Variants in GRID2 observed in about 807,000 individuals in gnomAD.
GRID2 encodes glutamate receptor ionotropic, delta-2.
In GRID2, 33 loss-of-function variants were observed where a neutral mutation model predicts 114.8. The ratio of observed to expected loss-of-function variants is 0.29; its 90% CI spans 0.22 to 0.38. The LOEUF (loss-of-function observed/expected upper bound fraction) is 0.38. Among genes scored for constraint, GRID2 ranks in the 10% least tolerant of loss-of-function variants. GRID2 has a pLI of 1.00. For missense variants in GRID2, 1,184 were observed against 1,257.7 expected (o/e 0.94, Z 0.89); for synonymous variants, 505 against 449.9 (o/e 1.12, Z -1.55).
At chr4:93,125,901 G>T (rs1373845436) in intron 4 of GRID2, among the ~76,000 whole-genome samples, 1 of 152,158 alleles carries the variant, frequency 6.6e-6, no homozygotes, top group African/African-American at 2.4e-5. Flanking sequence ...CTTATGACAG[G>T]CATCCTTTCT....
intron 7 of GRID2, among the ~76,000 whole-genome samples, chr4:93,231,658 C>G: frequency 6.6e-6 from 1 of 152,116 alleles, no homozygotes; most frequent in Non-Finnish European, 1.5e-5. Flanking sequence ...ATCCAATGAA[C>G]AGTCATTGCA....
At chr4:92,312,910 C>A (rs1725779167) in intron 1 of GRID2, among the ~76,000 whole-genome samples, 2 of 152,070 alleles carry the variant, frequency 1.3e-5, no homozygotes, top group East Asian at 3.9e-4. Context: ...GTAGAACTAT[C>A]ATTTGATGCA....
chr4:92,824,557 A>T (rs1026229489), intron 2 of GRID2, among the ~76,000 whole-genome samples: 8 of 152,006 alleles, frequency 5.3e-5, no homozygotes, highest in Admixed American at 1.3e-4. Flanking sequence ...AAAATTTAAT[A>T]ACAGTTGAAA....
Position 93,761,587 on chromosome 4 carries a change from A to C in GRID2, c.2361-7623A>C, listed in dbSNP as rs555685445. Among the ~76,000 whole-genome samples the C allele has an allele frequency of 9.2e-5, 14 of 152,310 alleles. 1 individual carries two copies. In the Middle Eastern group the frequency reaches 0.02, roughly 222 times the overall value. On this transcript the variant is annotated intron_variant, in intron 14 of 15. Transcript: ENST00000282020. Reference sequence around the variant, plus strand: ...AAAGCTTGCTGACCTCTAGTCTAAAAGATGATAGTTATGAATTTATTTGAA... The same window carrying C: ...AAAGCTTGCTGACCTCTAGTCTAAACGATGATAGTTATGAATTTATTTGAA...
intron 2 of GRID2, among the ~76,000 whole-genome samples, chr4:92,606,739 A>G (rs1208571751): frequency 6.6e-6 from 1 of 151,900 alleles, no homozygotes; most frequent in Non-Finnish European, 1.5e-5. Context: ...CCCTACCTAA[A>G]TTATCCTATT....
intron 5 of GRID2, among the ~76,000 whole-genome samples, chr4:93,208,644 C>CA (rs1374781066): frequency 6.6e-6 from 1 of 152,004 alleles, no homozygotes; most frequent in Non-Finnish European, 1.5e-5. Context: ...GTTTCTCCTA[C>CA]ACTACACTTC....
Position 92,790,654 on chromosome 4 carries a change from G to A in GRID2, c.244+200368G>A, listed in dbSNP as rs1375426374. Among the ~76,000 whole-genome samples the A allele has an allele frequency of 2.7e-5, 4 of 150,096 alleles. No individual in the cohort carries two copies. In the Admixed American group the frequency reaches 2.7e-4, roughly 10 times the overall value. On this transcript the variant is annotated intron_variant, in intron 2 of 15. Transcript: ENST00000282020. ...GCTGGTCTCAAACTCCTAGATTCAAGCGATTCTCCCAACTCAGCCTCTCAA... is the reference window on the plus strand; with the variant it reads ...GCTGGTCTCAAACTCCTAGATTCAAACGATTCTCCCAACTCAGCCTCTCAA...
chr4:93,276,058 T>G (rs992213587), intron 8 of GRID2, among the ~76,000 whole-genome samples: 1 of 152,050 alleles, frequency 6.6e-6, no homozygotes, highest in African/African-American at 2.4e-5. Flanking sequence ...TCTCTTACAT[T>G]TTCATCTAAG....
At chr4:92,902,704 G>C (rs1359557842) in intron 2 of GRID2, among the ~76,000 whole-genome samples, 1 of 151,936 alleles carries the variant, frequency 6.6e-6, no homozygotes, top group East Asian at 1.9e-4. Flanking sequence ...TATCCTTCTA[G>C]ACATGGCAGT....
intron 2 of GRID2, among the ~76,000 whole-genome samples, chr4:92,851,622 T>G (rs995291344): frequency 1.3e-5 from 2 of 151,988 alleles, no homozygotes; most frequent in African/African-American, 4.8e-5. Flanking sequence ...CAAACATTAG[T>G]ATATCTAAAT....
chr4:93,662,605 T>C (rs1203953107), intron 14 of GRID2, among the ~76,000 whole-genome samples: 1 of 152,054 alleles, frequency 6.6e-6, no homozygotes, highest in African/African-American at 2.4e-5. Context: ...AGAAAGCTAA[T>C]TGGAAAAAGG....
chr4:92,924,014 G>T (rs988417745), intron 2 of GRID2, among the ~76,000 whole-genome samples: 1 of 152,152 alleles, frequency 6.6e-6, no homozygotes, highest in Admixed American at 6.5e-5. Flanking sequence ...GTCCAACAAT[G>T]ATAGACTGGA....
chr4:92,799,104 A>G (rs1205439974), intron 2 of GRID2, among the ~76,000 whole-genome samples: 2 of 151,882 alleles, frequency 1.3e-5, no homozygotes, highest in African/African-American at 2.4e-5. Flanking sequence ...ATTATTACAT[A>G]CTCACCATAA....
chr4:92,794,813 A>G (rs904307548), intron 2 of GRID2, among the ~76,000 whole-genome samples: 3 of 148,268 alleles, frequency 2.0e-5, no homozygotes, highest in African/African-American at 5.0e-5. Flanking sequence ...TTAACTATCA[A>G]CCGGCTACTG....
chr4:93,055,877 C>T (rs1008572548), intron 2 of GRID2, among the ~76,000 whole-genome samples: 1 of 151,952 alleles, frequency 6.6e-6, no homozygotes, highest in African/African-American at 2.4e-5. Context: ...CCTTGTAACT[C>T]ATTTACAAAC....
At chr4:93,394,329 G>A (rs1490555694) in intron 8 of GRID2, among the ~76,000 whole-genome samples, 3 of 151,864 alleles carry the variant, frequency 2.0e-5, no homozygotes, top group Non-Finnish European at 4.4e-5. Flanking sequence ...CTAACAATTA[G>A]CAGCCTTTTC....
At chr4:92,928,722 C>G (rs1288807969) in intron 2 of GRID2, among the ~76,000 whole-genome samples, 4 of 151,608 alleles carry the variant, frequency 2.6e-5, no homozygotes, top group African/African-American at 9.7e-5. Context: ...CATTTATCCA[C>G]TTTCACATTA....
intron 2 of GRID2, among the ~76,000 whole-genome samples, chr4:92,907,744 C>CCT (rs1355809841): frequency 1.1e-4 from 16 of 152,038 alleles, no homozygotes; most frequent in Admixed American, 2.6e-4. Flanking sequence ...AAATTTTCAG[C>CCT]TGGGCACGGT....
Position 92,652,805 on chromosome 4 carries a change from AAAT to A in GRID2, c.244+62521_244+62523del, listed in dbSNP as rs1560512444. 1.4e-5 allele frequency among the ~76,000 whole-genome samples: 2 copies of A among 138,504 alleles called. 1 individual carries two copies. The highest frequency in any genetic ancestry group is 3.1e-5 in the Non-Finnish European group (2 of 64,786). The allele number at this position is 138,504 out of a possible 152,430, so 90.9% of individuals were successfully genotyped here. On this transcript the variant is annotated intron_variant, in intron 2 of 15. Coordinates refer to ENST00000282020, the MANE Select transcript of GRID2 (RefSeq NM_001510.4). ...AGCCTGGCCAAGATGGTGAAAAAAA[AAAT>A]ATATATATATATATAAATATATATA...
Sources: gnomAD v4.1 joint callset for allele counts (sites outside exome capture counted in the v4.1 genomes callset) on GRCh38, gnomAD v4.1.1 for gene constraint, MANE v1.5 for transcripts, NCBI Gene and HGNC (gene_info 2026-07-23, HGNC 2026-07-21) for gene names.